SLC22A11: variants seen among roughly 807,000 people sequenced by gnomAD.
SLC22A11 encodes solute carrier family 22 member 11, also known as organic anion transporter 4.
In SLC22A11, 42 loss-of-function variants were observed where a neutral mutation model predicts 49.4. That is an observed-to-expected ratio of 0.85 (90% confidence interval 0.66 to 1.10). The LOEUF (loss-of-function observed/expected upper bound fraction) is 1.10, where lower values mean the gene tolerates loss of function less well. Ranked by LOEUF, SLC22A11 falls within the 50% of genes least tolerant of loss-of-function variation. The pLI is 0.00. For missense variants in SLC22A11, 685 were observed against 731.6 expected (o/e 0.94, Z 0.74); for synonymous variants, 304 against 315.8 (o/e 0.96, Z 0.40).
chr11:64,569,937 G>A, intron 9 of SLC22A11, 79 bp downstream of exon 9: 1 of 1,391,508 alleles, frequency 7.2e-7, no homozygotes, highest in South Asian at 1.2e-5. Context: ...GCTGCCCAGG[G>A]CAAAGGCTCA....
chr11:64,560,864 A>G (rs1350929511), intron 2 of SLC22A11, among the ~76,000 whole-genome samples: 3 of 152,168 alleles, frequency 2.0e-5, no homozygotes, highest in Non-Finnish European at 2.9e-5. Flanking sequence ...CTGGGGTCTG[A>G]CTACCTGGGT....
rs1366526928 is a variant in SLC22A11 at position 64,562,484 on chromosome 11, G to C, written c.821+49G>C. On this transcript the variant is annotated intron_variant, in intron 4 of 9. Transcript: ENST00000301891. This position sits in a 1 kb window ranked among gnomAD's most constrained non-coding sequence, Gnocchi z 4.4. ...CCTTAGGAGACCCAGGGTGGGAGGGGGACTCTTCACTTTCACCTCTCTGGC... is the reference window on the plus strand; with the variant it reads ...CCTTAGGAGACCCAGGGTGGGAGGGCGACTCTTCACTTTCACCTCTCTGGC... 2 of 1,487,442 alleles carry C rather than the reference G, an allele frequency of 1.3e-6. No individual in the cohort carries two copies. The highest frequency in any genetic ancestry group is 1.8e-6 in the Non-Finnish European group (2 of 1,121,746). 92.1% of individuals were successfully genotyped at this position (1,487,442 alleles called of 1,614,324 possible). A position where few individuals can be genotyped will look rare whatever the true frequency, so the allele number is the denominator to read the frequency against.
chr11:64,562,576 G>A lies in SLC22A11; in HGVS notation c.821+141G>A. On this transcript the variant is annotated intron_variant, in intron 4 of 9. Coordinates refer to ENST00000301891, the MANE Select transcript of SLC22A11 (RefSeq NM_018484.4). The surrounding 1 kb of genome is among the most constrained non-coding windows in gnomAD (Gnocchi z 4.4). ...TGGCATGAGCGGCACCCTCGCTAGGGAGGGACATTGGTGATTGGCAGTCCT... is the reference window on the plus strand; with the variant it reads ...TGGCATGAGCGGCACCCTCGCTAGGAAGGGACATTGGTGATTGGCAGTCCT... 1 of 911,220 alleles carries A rather than the reference G, an allele frequency of 1.1e-6. No homozygotes were observed. Among genetic ancestry groups the A allele is most frequent in the Non-Finnish European group, 1.6e-6 (1 of 629,238 alleles). 56.4% of individuals were successfully genotyped at this position (911,220 alleles called of 1,614,324 possible). A position where few individuals can be genotyped will look rare whatever the true frequency, so the allele number is the denominator to read the frequency against.
At position 64,565,667 on chromosome 11, in the gene SLC22A11, G is replaced by A. The variant is rs567234261; in HGVS notation, c.1058+330G>A. 2.5e-4 allele frequency: 109 copies of A among 443,634 alleles called. No individual in the cohort carries two copies. The highest frequency in any genetic ancestry group is 3.3e-4 in the Middle Eastern group (1 of 2,994). 27.5% of individuals were successfully genotyped at this position (443,634 alleles called of 1,614,324 possible). On this transcript the variant is annotated intron_variant, in intron 6 of 9. Transcript: ENST00000301891. The surrounding 1 kb of genome is among the most constrained non-coding windows in gnomAD (Gnocchi z 4.1). ...TAGAGCCAGGGGACCAGCCACGGCCGAGGAGTACCACTGTGTGTCATCGTT... is the reference window on the plus strand; with the variant it reads ...TAGAGCCAGGGGACCAGCCACGGCCAAGGAGTACCACTGTGTGTCATCGTT...
At chr11:64,568,572 C>T in intron 7 of SLC22A11, 98 bp from the exon 8 acceptor site, 1 of 977,818 alleles carries the variant, frequency 1.0e-6, no homozygotes, top group South Asian at 1.4e-5. Flanking sequence ...TGTAGGGAGC[C>T]CAGGGTCCCC....
rs1295423338 is a variant in SLC22A11, at chr11:64,567,653, C to T, written c.1113C>T (p.Gly371=). ...YGLVFDLQSL[G]RDIFLLQALF... is the part of the protein sequence containing the mutation. ...TGGTCTTCGACCTGCAGAGCCTGGG[C>T]CGTGACATCTTCCTCCTCCAGGCCC... Residue 371 remains glycine (G), a synonymous_variant, in exon 7 of 10, where the codon GGC becomes GGT. Transcript: ENST00000301891. The T allele has an allele frequency of 6.2e-7, 1 of 1,614,108 alleles. No individual in the cohort carries two copies. The highest frequency in any genetic ancestry group is 2.2e-5 in the East Asian group (1 of 44,884).
At chr11:64,556,523 G>C (rs2038462744) in intron 1 of SLC22A11, 131 bp downstream of exon 1, 5 of 1,388,148 alleles carry the variant, frequency 3.6e-6, no homozygotes, top group Non-Finnish European at 4.9e-6. Context: ...CCCCTCGTCA[G>C]CCACACACAG....
intron 1 of SLC22A11, among the ~76,000 whole-genome samples, chr11:64,557,485 G>A (rs575301454): frequency 6.6e-6 from 1 of 152,290 alleles, no homozygotes; most frequent in Admixed American, 6.5e-5. Flanking sequence ...GTGAAGGTCA[G>A]GAGCCCCACA....
Position 64,567,931 on chromosome 11 carries a change from T to G in SLC22A11, c.1273+118T>G, listed in dbSNP as rs2038651208. On this transcript the variant is annotated intron_variant, in intron 7 of 9. Coordinates refer to ENST00000301891, the MANE Select transcript of SLC22A11 (RefSeq NM_018484.4). ...AGGAGCTGCCTCCCTGTTTTCTTTCTGAATGAGGGAGGCTATGAGGACCTG... is the reference window on the plus strand; with the variant it reads ...AGGAGCTGCCTCCCTGTTTTCTTTCGGAATGAGGGAGGCTATGAGGACCTG... 2.8e-6 allele frequency: 3 copies of G among 1,086,468 alleles called. No homozygotes were observed. The Admixed American group carries it at 7.4e-5, about 27-fold the overall frequency. The allele number at this position is 1,086,468 out of a possible 1,614,324, so 67.3% of individuals were successfully genotyped here. A position where few individuals can be genotyped will look rare whatever the true frequency, so the allele number is the denominator to read the frequency against.
At chr11:64,563,763 C>CA (rs2038583787) in intron 4 of SLC22A11, among the ~76,000 whole-genome samples, 2 of 151,210 alleles carry the variant, frequency 1.3e-5, no homozygotes, top group South Asian at 4.2e-4. Context: ...ACTAAAAATA[C>CA]AAAAAAATTA....
rs185763530 is a variant in SLC22A11 at position 64,559,847 on chromosome 11, G to A, written c.497+609G>A. Reference sequence around the variant, plus strand: ...GGTGATGGGCACGCCAGGGCCAGCCGGCAGGACTGGAAACGTCTCGTACCA... The same window carrying A: ...GGTGATGGGCACGCCAGGGCCAGCCAGCAGGACTGGAAACGTCTCGTACCA... On this transcript the variant is annotated intron_variant, in intron 2 of 9. Transcript: ENST00000301891. Among the ~76,000 whole-genome samples the A allele has an allele frequency of 5.7e-4, 87 of 152,312 alleles. 1 individual carries two copies. In the Middle Eastern group the frequency reaches 0.024, roughly 42 times the overall value.
chr11:64,556,345 G>A lies in SLC22A11; in HGVS notation c.346G>A (p.Gly116Ser), dbSNP rs759382595. 164 of 1,612,872 alleles carry A rather than the reference G, an allele frequency of 1.0e-4. No individual in the cohort carries two copies. The highest frequency in any genetic ancestry group is 1.6e-4 in the Middle Eastern group (1 of 6,082). The change falls in exon 1 of 10, where the codon GGC becomes AGC. Residue 116 changes from glycine (G) to serine (S), a missense_variant. Coordinates refer to ENST00000301891, the MANE Select transcript of SLC22A11 (RefSeq NM_018484.4). ...AGCTGACACGGAGCCGTGTGTGGAC[G>A]GCTGGGTCTATGACCGCAGCGTCTT... is the stretch of plus-strand genomic sequence containing the variant. ...SEADTEPCVD[G>S]WVYDRSVFTS...
In SLC22A11 at chr11:64,567,683, CG is replaced by C; in HGVS notation, c.1147del (p.Ala383ProfsTer35). The part of the protein sequence containing the change: ...RDIFLLQALF[G>X]AVDFLGRATT... The stretch of plus-strand genomic sequence containing the variant: ...ACATCTTCCTCCTCCAGGCCCTCTT[CG>C]GGGCCGTGGACTTCCTGGGCCGGGC... On this transcript the variant is annotated frameshift_variant, in exon 7 of 10. Coordinates refer to ENST00000301891, the MANE Select transcript of SLC22A11 (RefSeq NM_018484.4). LOFTEE classifies it high-confidence loss of function. 1 of 1,614,070 alleles carries C rather than the reference CG, an allele frequency of 6.2e-7. No homozygotes were observed. The highest frequency in any genetic ancestry group is 8.5e-7 in the Non-Finnish European group (1 of 1,180,030).
Position 64,565,122 on chromosome 11 carries a change from G to A in SLC22A11, c.943-100G>A. The A allele has an allele frequency of 3.2e-6, 3 of 924,256 alleles. No homozygotes were observed. The highest frequency in any genetic ancestry group is 4.9e-6 in the Non-Finnish European group (3 of 617,624). 57.3% of individuals were successfully genotyped at this position (924,256 alleles called of 1,614,324 possible). On this transcript the variant is annotated intron_variant, in intron 5 of 9. Transcript: ENST00000301891. The surrounding 1 kb of genome is among the most constrained non-coding windows in gnomAD (Gnocchi z 4.1). ...TTCCAGAGGCCGAGGCCCAGGACAGGCTCCCCGTCACTCTGGCCACTTGGA... is the reference window on the plus strand; with the variant it reads ...TTCCAGAGGCCGAGGCCCAGGACAGACTCCCCGTCACTCTGGCCACTTGGA...
At chr11:64,567,548 G>T (rs1177197246) in intron 6 of SLC22A11, 51 bp from the exon 7 acceptor site, 1 of 1,557,660 alleles carries the variant, frequency 6.4e-7, no homozygotes, top group Admixed American at 1.7e-5. Context: ...TTGCTGTTGG[G>T]GTGCCCTCTC....
At chr11:64,566,360 A>T (rs907387760) in intron 6 of SLC22A11, 1 of 152,112 alleles carries the variant, frequency 6.6e-6, no homozygotes, top group South Asian at 2.1e-4. Flanking sequence ...ATGGGTTATG[A>T]TGGCAAATAC....
At chr11:64,567,473 C>A in intron 6 of SLC22A11, 126 bp from the exon 7 acceptor site, 1 of 848,916 alleles carries the variant, frequency 1.2e-6, no homozygotes, top group Non-Finnish European at 1.9e-6. Context: ...CTGGCCGAGA[C>A]AAGCCCAGGA....
In SLC22A11 at chr11:64,556,222, C is replaced by T; in HGVS notation, c.223C>T (p.Pro75Ser). The stretch of plus-strand genomic sequence containing the variant: ...CAAGGCCCTTCTGACCATCTCCATC[C>T]CGCCAGGCCCCAACCAGGGGCCCCA... The part of the protein sequence containing the change: ...TPKALLTISI[P>S]PGPNQGPHQC... The change falls in exon 1 of 10, where the codon CCG becomes TCG. Residue 75 changes from proline (P) to serine (S), a missense_variant. Pro to Ser is a moderately conservative substitution (Grantham distance 74). Coordinates refer to ENST00000301891, the MANE Select transcript of SLC22A11 (RefSeq NM_018484.4). The T allele has an allele frequency of 1.2e-6, 2 of 1,614,138 alleles. No homozygotes were observed. Among genetic ancestry groups the T allele is most frequent in the South Asian group, 1.1e-5 (1 of 91,086 alleles).
rs1474336788 is a variant in SLC22A11 at position 64,562,354 on chromosome 11, G to A, written c.740G>A (p.Gly247Asp). 1.2e-6 allele frequency: 2 copies of A among 1,611,140 alleles called. No individual in the cohort carries two copies. Among genetic ancestry groups the A allele is most frequent in the Non-Finnish European group, 1.7e-6 (2 of 1,178,812 alleles). Residue 247 changes from glycine to aspartate, a missense_variant, in exon 4 of 10, where the codon GGC (glycine) becomes GAC (aspartate). Gly to Asp is a moderately conservative substitution (Grantham distance 94). Transcript: ENST00000301891. This position sits in a 1 kb window ranked among gnomAD's most constrained non-coding sequence, Gnocchi z 4.4. ...AGCGCAGGCCAGGCGGCGCTGGGCGGCCTGGCCTTTGCCCTGCGGGACTGG... is the reference window on the plus strand; with the variant it reads ...AGCGCAGGCCAGGCGGCGCTGGGCGACCTGGCCTTTGCCCTGCGGGACTGG... ...AFSAGQAALGGLAFALRDWRT... is the reference protein window; with the variant it reads ...AFSAGQAALGDLAFALRDWRT...
Sources: gnomAD v4.1 joint callset for allele counts (sites outside exome capture counted in the v4.1 genomes callset) on GRCh38, gnomAD v4.1.1 for gene constraint, Gnocchi (gnomAD v3.1) non-coding constraint, MANE v1.5 for transcripts, NCBI Gene and HGNC (gene_info 2026-07-23, HGNC 2026-07-21) for gene names.